STK24: variants seen among roughly 807,000 people sequenced by gnomAD.
STK24 encodes serine/threonine-protein kinase 24.
In STK24, 21 loss-of-function variants were observed where a neutral mutation model predicts 55.6. The observed-to-expected ratio is 0.38, with a 90% CI of 0.27 to 0.54. The LOEUF (loss-of-function observed/expected upper bound fraction) is 0.54. Ranked by LOEUF, STK24 falls within the 20% of genes least tolerant of loss-of-function variation. STK24 has a pLI of 0.79. For missense variants in STK24, 383 were observed against 538.4 expected, an observed-to-expected ratio of 0.71 and a Z score of 2.86; for synonymous variants, 200 against 215.2, an observed-to-expected ratio of 0.93 and a Z score of 0.62.
chr13:98,503,220 A>G (rs1895556430), intron 2 of STK24, among the ~76,000 whole-genome samples: 1 of 151,898 alleles, frequency 6.6e-6, no homozygotes, highest in African/African-American at 2.4e-5. Context: ...CATTCAGTAG[A>G]CTGTTACCCA....
Position 98,451,262 on chromosome 13 carries a change from G to T in STK24, c.*1911C>A, listed in dbSNP as rs983062426. ...CAGACTCAATCTGTGTGATTCGCAA[G>T]GACAAAACTCATCTTTGACTTATGC... On this transcript the variant is annotated 3_prime_UTR_variant, in exon 11 of 11. Coordinates refer to ENST00000539966, the MANE Select transcript of STK24 (RefSeq NM_001032296.4). 7.9e-5 allele frequency: 12 copies of T among 152,120 alleles called. No individual in the cohort carries two copies. Among genetic ancestry groups the T allele is most frequent in the African/African-American group, 2.7e-4 (11 of 41,404 alleles). The allele number at this position is 152,120 out of a possible 1,614,324, so 9.4% of individuals were successfully genotyped here. A position where few individuals can be genotyped will look rare whatever the true frequency, so the allele number is the denominator to read the frequency against.
chr13:98,491,148 C>A (rs1201992506), intron 2 of STK24, among the ~76,000 whole-genome samples: 4 of 152,164 alleles, frequency 2.6e-5, no homozygotes, highest in African/African-American at 9.7e-5. Flanking sequence ...GGGGGTACAG[C>A]TAGCCCCCTT....
At chr13:98,457,330 G>C in intron 9 of STK24, 26 bp from the exon 10 acceptor site, 2 of 1,613,712 alleles carry the variant, frequency 1.2e-6, no homozygotes, top group Non-Finnish European at 1.7e-6. Flanking sequence ...CAGGAAGAAT[G>C]GCATGAAGCA....
At chr13:98,556,082 C>T (rs1356459431) in intron 1 of STK24, among the ~76,000 whole-genome samples, 1 of 152,200 alleles carries the variant, frequency 6.6e-6, no homozygotes, top group African/African-American at 2.4e-5. Context: ...CGGTCCCATA[C>T]TCAGGACCCA....
intron 5 of STK24, among the ~76,000 whole-genome samples, chr13:98,473,711 T>C (rs1377215447): frequency 2.0e-5 from 3 of 152,158 alleles, no homozygotes; most frequent in African/African-American, 7.2e-5. Flanking sequence ...GTCAAGGCCA[T>C]CATAGTGCTC....
intron 2 of STK24, among the ~76,000 whole-genome samples, chr13:98,485,428 G>A (rs537283905): frequency 6.8e-6 from 1 of 146,386 alleles, no homozygotes; most frequent in Non-Finnish European, 1.5e-5. Flanking sequence ...ATTGATCTGA[G>A]TGGGGCCAGC....
chr13:98,573,466 G>A (rs1897793611), intron 1 of STK24, among the ~76,000 whole-genome samples: 1 of 152,122 alleles, frequency 6.6e-6, no homozygotes, highest in East Asian at 1.9e-4. Flanking sequence ...AGTTTCTGAT[G>A]TCTATTTTTT....
intron 1 of STK24, among the ~76,000 whole-genome samples, chr13:98,522,530 G>T (rs983249662): frequency 6.6e-6 from 1 of 152,164 alleles, no homozygotes; most frequent in African/African-American, 2.4e-5. Context: ...CGCTAGCTCA[G>T]GCCTTCCTTC....
intron 3 of STK24, among the ~76,000 whole-genome samples, chr13:98,477,616 A>T (rs1894425823): frequency 6.6e-6 from 1 of 151,888 alleles, no homozygotes; most frequent in Non-Finnish European, 1.5e-5. Context: ...CAGAGGTTGC[A>T]ATGAGCCAAG....
intron 1 of STK24, among the ~76,000 whole-genome samples, chr13:98,533,759 A>AACACAC (rs369424726): frequency 6.6e-6 from 1 of 151,098 alleles, no homozygotes; most frequent in Admixed American, 6.6e-5. Flanking sequence ...CTCAGTACCC[A>AACACAC]ACACACACAC....
At chr13:98,466,751 A>C (rs1893939240) in intron 5 of STK24, among the ~76,000 whole-genome samples, 190 bp from the exon 6 acceptor site, 1 of 152,224 alleles carries the variant, frequency 6.6e-6, no homozygotes, top group Non-Finnish European at 1.5e-5. Context: ...TAATATGCCA[A>C]ATGTTTTCTG....
intron 1 of STK24, among the ~76,000 whole-genome samples, chr13:98,562,664 C>T (rs1307388742): frequency 6.6e-6 from 1 of 152,024 alleles, no homozygotes; most frequent in African/African-American, 2.4e-5. Context: ...GCCTGTAGTC[C>T]CAGCACTTTG....
At chr13:98,463,606 A>G (rs1594576970) in intron 7 of STK24, 85 bp downstream of exon 7, 2 of 1,463,170 alleles carry the variant, frequency 1.4e-6, no homozygotes, top group East Asian at 4.7e-5. Flanking sequence ...AAAACTCAAC[A>G]GAAAACGAAA....
intron 1 of STK24, among the ~76,000 whole-genome samples, chr13:98,528,781 T>C (rs1566388106): frequency 6.6e-6 from 1 of 152,212 alleles, no homozygotes; most frequent in East Asian, 1.9e-4. Context: ...CTACTCTGGT[T>C]GAAACCAAGC....
intron 1 of STK24, chr13:98,522,052 C>T (rs1244306543): frequency 7.2e-7 from 1 of 1,395,620 alleles, no homozygotes; most frequent in African/African-American, 1.5e-5. Flanking sequence ...GTCATCTGGA[C>T]CTGCCCGGTC....
intron 2 of STK24, among the ~76,000 whole-genome samples, chr13:98,514,100 A>G (rs1258867853): frequency 6.6e-6 from 1 of 152,228 alleles, no homozygotes; most frequent in Non-Finnish European, 1.5e-5. Flanking sequence ...GCTGAGAATC[A>G]CGGTGTTTTT....
At position 98,451,131 on chromosome 13, in the gene STK24, G is replaced by C. The variant is rs1893170234; in HGVS notation, c.*2042C>G. On this transcript the variant is annotated 3_prime_UTR_variant, in exon 11 of 11. Coordinates refer to ENST00000539966, the MANE Select transcript of STK24 (RefSeq NM_001032296.4). ...GAGACTGGCTTCAGTGCTAAAAACT[G>C]TGATGTCATTGTCCATTTGTAAATC... The C allele has an allele frequency of 6.6e-6, 1 of 152,158 alleles. No homozygotes were observed. The highest frequency in any genetic ancestry group is 1.5e-5 in the Non-Finnish European group (1 of 68,038). 9.4% of individuals were successfully genotyped at this position (152,158 alleles called of 1,614,324 possible). A position where few individuals can be genotyped will look rare whatever the true frequency, so the allele number is the denominator to read the frequency against.
chr13:98,543,078 G>C lies in STK24; in HGVS notation c.43-23605C>G, dbSNP rs960164801. 6.3e-6 allele frequency: 6 copies of C among 959,916 alleles called. No individual in the cohort carries two copies. In the African/African-American group the frequency reaches 8.8e-5, roughly 14 times the overall value. 59.5% of individuals were successfully genotyped at this position (959,916 alleles called of 1,614,324 possible). A position where few individuals can be genotyped will look rare whatever the true frequency, so the allele number is the denominator to read the frequency against. ...TGCCAGCAAAGGCCAAGGGAGGGGG[G>C]AGAGGCCGCAGCTCCGCTCCGGCTG... is the stretch of plus-strand genomic sequence containing the variant. On this transcript the variant is annotated intron_variant, in intron 1 of 10. Coordinates refer to ENST00000539966, the MANE Select transcript of STK24 (RefSeq NM_001032296.4).
chr13:98,572,288 C>G (rs1300983479), intron 1 of STK24, among the ~76,000 whole-genome samples: 1 of 152,132 alleles, frequency 6.6e-6, no homozygotes, highest in Non-Finnish European at 1.5e-5. Context: ...GAGCACACTC[C>G]ACAGTTCAGC....
Sources: allele counts gnomAD v4.1 joint callset (sites outside exome capture counted in the v4.1 genomes callset), GRCh38; gene constraint gnomAD v4.1.1; transcripts MANE v1.5; gene names NCBI Gene and HGNC (gene_info 2026-07-23, HGNC 2026-07-21).